The following SMC6 variants were observed in gnomAD, a reference collection of about 807,000 sequenced individuals.
The protein encoded by SMC6 is structural maintenance of chromosomes 6, also known as structural maintenance of chromosomes protein 6.
SMC6 carries 79 observed loss-of-function variants against 142.2 expected under a neutral mutation model. The ratio of observed to expected loss-of-function variants is 0.56; its 90% confidence interval spans 0.46 to 0.67. SMC6 has a LOEUF of 0.67. Among genes scored for constraint, SMC6 ranks in the 30% least tolerant of loss-of-function variants. The pLI is 0.00. For synonymous variants in SMC6, 411 were observed against 412.4 expected (o/e 1.00, Z 0.04); for missense variants, 1,072 against 1,284.0 (o/e 0.83, Z 2.52).
chr2:17,707,576 A>C (rs1477319991), intron 17 of SMC6, among the ~76,000 whole-genome samples, 197 bp from the exon 18 acceptor site: 1 of 152,098 alleles, frequency 6.6e-6, no homozygotes, highest in African/African-American at 2.4e-5. Context: ...CTATTTAAAA[A>C]GTCTTAAAAC....
At position 17,665,503 on chromosome 2, in the gene SMC6, C is replaced by T. The variant is rs138478503; in HGVS notation, c.3272G>A (p.Arg1091Lys). ...CAAGGCATGTTAAGTTACAAATCAC[C>T]TTTGGTCATCATCTTCTTCTTGAGT... is the stretch of plus-strand genomic sequence containing the variant. The part of the protein sequence containing the change: ...PVTQEEDDDQ[R>K] Residue 1091 changes from arginine to lysine, a missense_variant, in exon 28 of 28, where the codon AGG becomes AAG. Around this residue, in one of 3 missense-constraint regions of SMC6, gnomAD observed 76 missense variants for 112.3 expected, o/e 0.68. Transcript: ENST00000448223. The T allele has an allele frequency of 6.9e-6, 11 of 1,605,028 alleles. No homozygotes were observed. Among genetic ancestry groups the T allele is most frequent in the Non-Finnish European group, 9.4e-6 (11 of 1,174,466 alleles).
At position 17,736,520 on chromosome 2, in the gene SMC6, G is replaced by A. The variant is rs114111667; in HGVS notation, c.344+1701C>T. On this transcript the variant is annotated intron_variant, in intron 5 of 27. Coordinates refer to ENST00000448223, the MANE Select transcript of SMC6 (RefSeq NM_001142286.2). ...TAAAGACTGTATCTGAAAATTCAAC[G>A]TGCTATCTGGCCAAGTAGACTGGGT... Among the ~76,000 whole-genome samples the A allele has an allele frequency of 5.4e-3, 815 of 152,142 alleles. 13 individuals carry two copies. Among genetic ancestry groups the A allele is most frequent in the African/African-American group, 0.018 (767 of 41,498 alleles).
intron 5 of SMC6, among the ~76,000 whole-genome samples, chr2:17,732,938 C>T (rs1669981227): frequency 6.6e-6 from 1 of 151,936 alleles, no homozygotes; most frequent in South Asian, 2.1e-4. Context: ...TATTTGTGTA[C>T]TCCAACTTGT....
At chr2:17,728,956 G>A (rs1669767388) in intron 7 of SMC6, among the ~76,000 whole-genome samples, 1 of 151,884 alleles carries the variant, frequency 6.6e-6, no homozygotes, top group Non-Finnish European at 1.5e-5. Flanking sequence ...CACCATGTTG[G>A]CCAGCCTGGT....
rs1007478605 is a variant in SMC6, at chr2:17,678,786, C to A, written c.2910+73G>T. 110 of 1,159,346 alleles carry A rather than the reference C, an allele frequency of 9.5e-5. 1 individual carries two copies. Among genetic ancestry groups the A allele is most frequent in the Non-Finnish European group, 1.3e-4 (108 of 808,650 alleles). 71.8% of individuals were successfully genotyped at this position (1,159,346 alleles called of 1,614,324 possible). ...GTAAGACTCTGCCTCTAAAAAAAAC[C>A]CAACAAAAATAGAAAAGAAAAGAAA... On this transcript the variant is annotated intron_variant, in intron 25 of 27. Coordinates refer to ENST00000448223, the MANE Select transcript of SMC6 (RefSeq NM_001142286.2).
intron 2 of SMC6, among the ~76,000 whole-genome samples, chr2:17,749,038 G>C (rs1410548477): frequency 6.6e-6 from 1 of 152,178 alleles, no homozygotes; most frequent in East Asian, 1.9e-4. Context: ...AACAGACACT[G>C]AAGGATCCTA....
intron 2 of SMC6, among the ~76,000 whole-genome samples, chr2:17,752,709 C>T (rs1310702476): frequency 6.6e-6 from 1 of 152,118 alleles, no homozygotes; most frequent in African/African-American, 2.4e-5. Flanking sequence ...CTAATATGTT[C>T]CCTCTCTACC....
intron 9 of SMC6, among the ~76,000 whole-genome samples, chr2:17,722,806 A>G (rs1480640837): frequency 1.3e-5 from 2 of 152,114 alleles, no homozygotes; most frequent in East Asian, 3.9e-4. Flanking sequence ...CTTTTCCCCT[A>G]TCTCAGCAAT....
At chr2:17,750,839 A>G (rs1670990240) in intron 2 of SMC6, among the ~76,000 whole-genome samples, 1 of 101,208 alleles carries the variant, frequency 9.9e-6, no homozygotes, top group Non-Finnish European at 2.0e-5. Flanking sequence ...CATCTCTACT[A>G]AAAATACAAA....
At chr2:17,694,234 T>C (rs770362360) in intron 23 of SMC6, among the ~76,000 whole-genome samples, 1 of 151,948 alleles carries the variant, frequency 6.6e-6, no homozygotes, top group Non-Finnish European at 1.5e-5. Flanking sequence ...TTAAAAGAGA[T>C]TGGTTAATGG....
chr2:17,670,238 T>C (rs1363459466), intron 26 of SMC6, among the ~76,000 whole-genome samples, 185 bp downstream of exon 26: 3 of 152,308 alleles, frequency 2.0e-5, no homozygotes, highest in African/African-American at 7.2e-5. Flanking sequence ...AGGGTTACTG[T>C]GTGCCTAGAA....
At chr2:17,705,919 A>G (rs1668486711) in intron 18 of SMC6, among the ~76,000 whole-genome samples, 1 of 152,296 alleles carries the variant, frequency 6.6e-6, no homozygotes, top group South Asian at 2.1e-4. Context: ...CCTATCTAAA[A>G]TAGTATACTC....
At chr2:17,742,940 C>G (rs887441082) in intron 3 of SMC6, among the ~76,000 whole-genome samples, 3 of 152,112 alleles carry the variant, frequency 2.0e-5, no homozygotes, top group African/African-American at 7.2e-5. Flanking sequence ...ATAGTCACAT[C>G]CACATCCCAC....
At chr2:17,738,966 T>A (rs75036659) in intron 4 of SMC6, among the ~76,000 whole-genome samples, 1,589 of 152,082 alleles carry the variant, frequency 0.01, 38 homozygotes, top group African/African-American at 0.036. Flanking sequence ...ACTGTTAACA[T>A]CCCTCAAAAG....
At chr2:17,698,946 C>A (rs1668140015) in intron 21 of SMC6, among the ~76,000 whole-genome samples, 1 of 152,054 alleles carries the variant, frequency 6.6e-6, no homozygotes, top group Non-Finnish European at 1.5e-5. Flanking sequence ...AGAAATCTTA[C>A]CTCCCTTTTG....
At chr2:17,667,089 G>A (rs962724664) in intron 26 of SMC6, among the ~76,000 whole-genome samples, 1 of 152,128 alleles carries the variant, frequency 6.6e-6, no homozygotes. Context: ...CCTCAAATAC[G>A]TGTAGCAATT....
chr2:17,695,005 A>C, intron 23 of SMC6, 147 bp downstream of exon 23: 2 of 799,610 alleles, frequency 2.5e-6, no homozygotes, highest in Non-Finnish European at 4.0e-6. Flanking sequence ...TATTGAGAAT[A>C]ATACACATAT....
Position 17,707,207 on chromosome 2 carries a change from C to G in SMC6, c.2006+12G>C. On this transcript the variant is annotated intron_variant, in intron 18 of 27. Coordinates refer to ENST00000448223, the MANE Select transcript of SMC6 (RefSeq NM_001142286.2). ...GTGGGAATGATACAGTAAAGCTAAA[C>G]TTGACTCTAACCTTATTTCAGAATC... 4 of 1,529,074 alleles carry G rather than the reference C, an allele frequency of 2.6e-6. No homozygotes were observed. The highest frequency in any genetic ancestry group is 3.5e-6 in the Non-Finnish European group (4 of 1,139,388). 94.7% of individuals were successfully genotyped at this position (1,529,074 alleles called of 1,614,324 possible). A position where few individuals can be genotyped will look rare whatever the true frequency, so the allele number is the denominator to read the frequency against.
chr2:17,704,976 G>A (rs1181119112), intron 18 of SMC6, among the ~76,000 whole-genome samples: 2 of 151,540 alleles, frequency 1.3e-5, no homozygotes, highest in African/African-American at 4.9e-5. Flanking sequence ...AAAAATTGCA[G>A]CTGGGCACGG....
Sources: gnomAD v4.1 joint callset for allele counts (sites outside exome capture counted in the v4.1 genomes callset) on GRCh38, gnomAD v4.1.1 for gene constraint, gnomAD v4.1.1 regional missense constraint, MANE v1.5 for transcripts, NCBI Gene and HGNC (gene_info 2026-07-23, HGNC 2026-07-21) for gene names.